Variants in MAP3K5 observed in about 807,000 individuals in gnomAD.
The protein encoded by MAP3K5 is mitogen-activated protein kinase kinase kinase 5, also known as ASK-1.
MAP3K5 carries 56 observed loss-of-function variants against 158.7 expected under a neutral mutation model. The ratio of observed to expected loss-of-function variants is 0.35; its 90% confidence interval spans 0.28 to 0.44. The LOEUF (loss-of-function observed/expected upper bound fraction) is 0.44. MAP3K5 is among the 20% of genes least tolerant of loss of function. The probability of loss-of-function intolerance (pLI) is 1.00; values close to 1 mark genes in which losing one functional copy is unlikely to be tolerated. For synonymous variants in MAP3K5, 579 were observed against 601.7 expected, an observed-to-expected ratio of 0.96 and a Z score of 0.55; for missense variants, 1,294 against 1,674.8, an observed-to-expected ratio of 0.77 and a Z score of 3.97.
intron 1 of MAP3K5, among the ~76,000 whole-genome samples, chr6:136,733,076 T>C (rs767695110): frequency 1.3e-5 from 2 of 152,212 alleles, no homozygotes; most frequent in Non-Finnish European, 2.9e-5. Flanking sequence ...CACGGCTCAC[T>C]GCATCCTCGA....
At chr6:136,782,865 T>C (rs1336301570) in intron 1 of MAP3K5, among the ~76,000 whole-genome samples, 1 of 152,222 alleles carries the variant, frequency 6.6e-6, no homozygotes, top group Non-Finnish European at 1.5e-5. Context: ...ATGTAAGTTA[T>C]CAATTATTTA....
At chr6:136,787,144 C>T (rs1174506901) in intron 1 of MAP3K5, among the ~76,000 whole-genome samples, 3 of 152,160 alleles carry the variant, frequency 2.0e-5, no homozygotes, top group African/African-American at 7.2e-5. Flanking sequence ...AGGAGGATAG[C>T]TTGAGCCCAG....
intron 4 of MAP3K5, 23 bp from the exon 5 acceptor site, chr6:136,697,410 A>G: frequency 1.3e-6 from 2 of 1,571,274 alleles, no homozygotes; most frequent in Non-Finnish European, 1.7e-6. Flanking sequence ...CACACATTTC[A>G]AAGAGTTTGA....
chr6:136,695,032 G>C lies in MAP3K5; in HGVS notation c.1083-722C>G, dbSNP rs529858423. Among the ~76,000 whole-genome samples the C allele has an allele frequency of 2.4e-4, 37 of 152,248 alleles. No homozygotes were observed. The South Asian group carries it at 4.8e-3, about 20-fold the overall frequency. ...CTGAAAGTAGATTCGTGGTTGCCTAGAGTTGGGGGATTTGGGAGGGAAATG... is the reference window on the plus strand; with the variant it reads ...CTGAAAGTAGATTCGTGGTTGCCTACAGTTGGGGGATTTGGGAGGGAAATG... On this transcript the variant is annotated intron_variant, in intron 6 of 29. Coordinates refer to ENST00000359015, the MANE Select transcript of MAP3K5 (RefSeq NM_005923.4).
At chr6:136,704,390 C>G (rs1446858968) in intron 3 of MAP3K5, among the ~76,000 whole-genome samples, 1 of 152,038 alleles carries the variant, frequency 6.6e-6, no homozygotes, top group East Asian at 1.9e-4. Context: ...GAAAAGGGAA[C>G]AGCATATTGG....
rs372508774 is a variant in MAP3K5, at chr6:136,722,286, C to T, written c.449-1697G>A. On this transcript the variant is annotated intron_variant, in intron 1 of 29. Transcript: ENST00000359015. ...TAGGAAATATAAAACAGAAGCCATT[C>T]ATAATTACAATGAAAATGTTAATAT... Among the ~76,000 whole-genome samples the T allele has an allele frequency of 1.5e-4, 23 of 152,164 alleles. No homozygotes were observed. The East Asian group carries it at 2.3e-3, about 15-fold the overall frequency.
intron 15 of MAP3K5, among the ~76,000 whole-genome samples, chr6:136,620,153 C>T (rs1776738557): frequency 6.6e-6 from 1 of 152,066 alleles, no homozygotes; most frequent in Non-Finnish European, 1.5e-5. Flanking sequence ...GCCTGTAATC[C>T]CAGCTACTCA....
intron 21 of MAP3K5, among the ~76,000 whole-genome samples, chr6:136,599,167 AAGG>A (rs989357069): frequency 1.2e-5 from 1 of 85,798 alleles, no homozygotes; most frequent in Non-Finnish European, 2.4e-5. Flanking sequence ...TCAAAAAAAA[AAGG>A]GGGGGGGGGC....
intron 1 of MAP3K5, among the ~76,000 whole-genome samples, chr6:136,747,717 G>T (rs1783022361): frequency 6.6e-6 from 1 of 152,210 alleles, no homozygotes; most frequent in Non-Finnish European, 1.5e-5. Context: ...TCAAAAAAGA[G>T]ATTCTGATTG....
intron 29 of MAP3K5, 21 bp downstream of exon 29, chr6:136,558,779 C>T: frequency 6.7e-7 from 1 of 1,482,546 alleles, no homozygotes; most frequent in African/African-American, 1.4e-5. Context: ...TCCATAGTGA[C>T]AACAGAAAGA....
At position 136,659,348 on chromosome 6, in the gene MAP3K5, T is replaced by C. The variant is rs778067189; in HGVS notation, c.1397A>G (p.Lys466Arg). 12 of 1,613,930 alleles carry C rather than the reference T, an allele frequency of 7.4e-6. No homozygotes were observed. The Admixed American group carries it at 2.0e-4, about 27-fold the overall frequency. Reference sequence around the variant, plus strand: ...GCTCTGGAGTTTTTCCAAGTTTCCCTTTTTACCAAGAAGACTACTTAGCTT... The same window carrying C: ...GCTCTGGAGTTTTTCCAAGTTTCCCCTTTTACCAAGAAGACTACTTAGCTT... ...GVKLSSLLGK[K>R]GNLEKLQSYW... Residue 466 changes from lysine (K) to arginine (R), a missense_variant, in exon 9 of 30, where the codon AAG (lysine) becomes AGG (arginine). By Grantham distance (26) the Lys-to-Arg change is conservative. Transcript: ENST00000359015.
Position 136,784,252 on chromosome 6 carries a change from C to T in MAP3K5, c.448+7458G>A, listed in dbSNP as rs531834028. On this transcript the variant is annotated intron_variant, in intron 1 of 29. Coordinates refer to ENST00000359015, the MANE Select transcript of MAP3K5 (RefSeq NM_005923.4). Reference sequence around the variant, plus strand: ...GCCCAGGAAGCAGAGCCGGTCATGACAACATGCAGCTGATGATGTGGGGTA... The same window carrying T: ...GCCCAGGAAGCAGAGCCGGTCATGATAACATGCAGCTGATGATGTGGGGTA... 2.2e-4 allele frequency among the ~76,000 whole-genome samples: 34 copies of T among 152,348 alleles called. 1 individual carries two copies. Among genetic ancestry groups the T allele is most frequent in the African/African-American group, 8.2e-4 (34 of 41,570 alleles).
At position 136,613,610 on chromosome 6, in the gene MAP3K5, A is replaced by C. The variant is rs9389413; in HGVS notation, c.2279-354T>G. Among the ~76,000 whole-genome samples the C allele has an allele frequency of 0.058, 8,767 of 152,108 alleles. 552 individuals are homozygous for C. The highest frequency in any genetic ancestry group is 0.14 in the African/African-American group (6,004 of 41,448). On this transcript the variant is annotated intron_variant, in intron 16 of 29. Coordinates refer to ENST00000359015, the MANE Select transcript of MAP3K5 (RefSeq NM_005923.4). This position sits in a 1 kb window ranked among gnomAD's most constrained non-coding sequence, Gnocchi z 4.0. ...TGAGCCTTATTATTTAAGGAATGTG[A>C]CTTTGTGGCCTGAGTCATATAGCAT...
At chr6:136,734,913 T>C (rs964382740) in intron 1 of MAP3K5, among the ~76,000 whole-genome samples, 23 of 152,226 alleles carry the variant, frequency 1.5e-4, no homozygotes, top group African/African-American at 5.3e-4. Context: ...CATAAGGTTA[T>C]AGGAGTTGAT....
intron 6 of MAP3K5, among the ~76,000 whole-genome samples, chr6:136,695,020 C>A (rs757201136): frequency 6.6e-6 from 1 of 151,386 alleles, no homozygotes; most frequent in Non-Finnish European, 1.5e-5. Context: ...AAAGTAGATT[C>A]GTGGTTGCCT....
chr6:136,676,412 C>T (rs1455644530), intron 7 of MAP3K5, among the ~76,000 whole-genome samples: 1 of 152,174 alleles, frequency 6.6e-6, no homozygotes, highest in Non-Finnish European at 1.5e-5. Context: ...CCTTGGACCA[C>T]CTTAAACAAG....
chr6:136,632,204 T>C (rs1007312049), intron 14 of MAP3K5, among the ~76,000 whole-genome samples: 1 of 152,134 alleles, frequency 6.6e-6, no homozygotes, highest in African/African-American at 2.4e-5. Context: ...GAATGTTGTA[T>C]GGTGCAAATA....
intron 5 of MAP3K5, among the ~76,000 whole-genome samples, 186 bp from the exon 6 acceptor site, chr6:136,696,243 C>A (rs768393742): frequency 1.3e-5 from 2 of 151,994 alleles, no homozygotes; most frequent in Non-Finnish European, 2.9e-5. Context: ...AGGTTTAGAT[C>A]GTATATATAA....
intron 14 of MAP3K5, among the ~76,000 whole-genome samples, chr6:136,632,095 A>G (rs1409957978): frequency 6.6e-6 from 1 of 152,198 alleles, no homozygotes; most frequent in Non-Finnish European, 1.5e-5. Flanking sequence ...TCAAGCCCAG[A>G]GGCCGGAGAA....
Sources: allele counts gnomAD v4.1 joint callset (sites outside exome capture counted in the v4.1 genomes callset), GRCh38; gene constraint gnomAD v4.1.1; non-coding constraint Gnocchi (gnomAD v3.1); transcripts MANE v1.5; gene names NCBI Gene and HGNC (gene_info 2026-07-23, HGNC 2026-07-21).